PTPRT: variants seen among roughly 807,000 people sequenced by gnomAD.
PTPRT encodes the protein receptor-type tyrosine-protein phosphatase T.
In PTPRT, 56 loss-of-function variants were observed where a neutral mutation model predicts 176.8. The observed-to-expected ratio is 0.32, with a 90% CI of 0.26 to 0.40. The LOEUF is 0.40. Among genes scored for constraint, PTPRT ranks in the 10% least tolerant of loss-of-function variants. The probability of loss-of-function intolerance (pLI) is 1.00; values close to 1 mark genes in which losing one functional copy is unlikely to be tolerated. For missense variants in PTPRT, 1,540 were observed against 1,908.2 expected, an observed-to-expected ratio of 0.81 and a Z score of 3.60; for synonymous variants, 783 against 739.0, an observed-to-expected ratio of 1.06 and a Z score of -0.96.
rs550546034 is a variant in PTPRT at position 42,761,127 on chromosome 20, G to A, written c.685-4491C>T. Among the ~76,000 whole-genome samples, 151 of 152,240 alleles carry A rather than the reference G, an allele frequency of 9.9e-4. 1 individual carries two copies. Among genetic ancestry groups the A allele is most frequent in the Admixed American group, 1.6e-3 (25 of 15,288 alleles). ...GACAGGCTGCACTAACATCCCCTGG[G>A]AAATTGTTAAAAATGTGAATTCTCA... On this transcript the variant is annotated intron_variant, in intron 5 of 30. Transcript: ENST00000373187.
intron 1 of PTPRT, among the ~76,000 whole-genome samples, chr20:42,887,518 A>G (rs1391730160): frequency 1.3e-5 from 2 of 152,202 alleles, no homozygotes; most frequent in African/African-American, 4.8e-5. Context: ...AAATAAACAA[A>G]CATGGCTTTA....
chr20:42,944,208 C>A (rs1439547554), intron 1 of PTPRT, among the ~76,000 whole-genome samples: 1 of 152,054 alleles, frequency 6.6e-6, no homozygotes, highest in Non-Finnish European at 1.5e-5. Flanking sequence ...GAGAAAACAT[C>A]ACAGTTTAGG....
At chr20:42,257,038 G>C (rs949793559) in intron 13 of PTPRT, among the ~76,000 whole-genome samples, 6 of 152,170 alleles carry the variant, frequency 3.9e-5, no homozygotes, top group Non-Finnish European at 7.3e-5. Context: ...TCCCATGCAG[G>C]GGTCACCTAC....
intron 13 of PTPRT, among the ~76,000 whole-genome samples, chr20:42,274,005 A>T (rs2056983702): frequency 6.6e-6 from 1 of 152,232 alleles, no homozygotes; most frequent in East Asian, 1.9e-4. Flanking sequence ...AGATTTTTCT[A>T]GTTGGTGGGC....
chr20:42,372,924 G>A (rs1024371532), intron 9 of PTPRT, among the ~76,000 whole-genome samples: 4 of 152,190 alleles, frequency 2.6e-5, no homozygotes, highest in Non-Finnish European at 5.9e-5. Context: ...TTCTTTATAA[G>A]TTATCCTGTG....
At chr20:42,624,488 T>A (rs1307258402) in intron 7 of PTPRT, among the ~76,000 whole-genome samples, 1 of 152,034 alleles carries the variant, frequency 6.6e-6, no homozygotes, top group South Asian at 2.1e-4. Flanking sequence ...TTGAAAAAAA[T>A]TAACGATTTT....
Position 42,179,134 on chromosome 20 carries a change from T to C in PTPRT, c.2492-17592A>G, listed in dbSNP as rs572967898. On this transcript the variant is annotated intron_variant, in intron 16 of 30. Transcript: ENST00000373187. ...CACAAATCCTAATATCATTCTGCAATGTTTTTGTGAGAACCAAAAGAGGTA... is the reference window on the plus strand; with the variant it reads ...CACAAATCCTAATATCATTCTGCAACGTTTTTGTGAGAACCAAAAGAGGTA... Among the ~76,000 whole-genome samples, 3 of 152,310 alleles carry C rather than the reference T, an allele frequency of 2.0e-5. No homozygotes were observed. In the South Asian group the frequency reaches 6.2e-4, roughly 32 times the overall value.
chr20:42,188,855 C>G (rs943651260), intron 16 of PTPRT, among the ~76,000 whole-genome samples: 3 of 152,182 alleles, frequency 2.0e-5, no homozygotes, highest in Non-Finnish European at 2.9e-5. Context: ...TTACTGAGGT[C>G]TCTTTGAAAG....
intron 7 of PTPRT, among the ~76,000 whole-genome samples, chr20:42,565,119 G>A (rs778256007): frequency 6.6e-6 from 1 of 152,062 alleles, no homozygotes; most frequent in Admixed American, 6.5e-5. Context: ...GACAGCACCC[G>A]AGAAGAAGGG....
intron 16 of PTPRT, among the ~76,000 whole-genome samples, chr20:42,171,607 C>T (rs572349246): frequency 6.6e-5 from 10 of 151,946 alleles, no homozygotes; most frequent in Admixed American, 4.6e-4. Context: ...TGCATGTGTG[C>T]GTGTGTGTGT....
chr20:43,002,581 C>G (rs1348439727), intron 1 of PTPRT, among the ~76,000 whole-genome samples: 3 of 151,944 alleles, frequency 2.0e-5, no homozygotes, highest in Non-Finnish European at 2.9e-5. Context: ...AAATTAATTT[C>G]AAAAGTAGAA....
At chr20:42,138,637 G>A (rs1404117222) in intron 18 of PTPRT, among the ~76,000 whole-genome samples, 1 of 152,102 alleles carries the variant, frequency 6.6e-6, no homozygotes, top group Non-Finnish European at 1.5e-5. Context: ...AGAATGCTTT[G>A]GGATTCTTGA....
chr20:42,101,315 C>T (rs1220735341), intron 26 of PTPRT, among the ~76,000 whole-genome samples: 1 of 152,190 alleles, frequency 6.6e-6, no homozygotes, highest in East Asian at 1.9e-4. Flanking sequence ...TTGAGCAAGT[C>T]TCTTTCTCTG....
At chr20:42,677,729 C>A in intron 7 of PTPRT, 137 bp downstream of exon 7, 1 of 1,035,020 alleles carries the variant, frequency 9.7e-7, no homozygotes. Flanking sequence ...GGCCTTGATC[C>A]TGTTTATCCA....
intron 7 of PTPRT, among the ~76,000 whole-genome samples, chr20:42,517,985 T>C (rs1568944068): frequency 6.6e-6 from 1 of 151,968 alleles, no homozygotes; most frequent in Non-Finnish European, 1.5e-5. Flanking sequence ...ATAGTATATA[T>C]TCTCCTGATT....
chr20:42,352,209 C>A lies in PTPRT; in HGVS notation c.1637G>T (p.Arg546Leu). The part of the protein sequence containing the change: ...SSQRGKVFKL[R>L]NETHHLFVGL... ...CACAAAGAGGTGGTGGGTTTCATTC[C>A]GGAGCTTGAACACTTTCCCCCTCTG... Residue 546 changes from arginine (R) to leucine (L), a missense_variant, in exon 10 of 31, where the codon CGG (arginine) becomes CTG (leucine). This residue lies in a region of PTPRT where 136 missense variants were observed against 135.0 expected (regional missense o/e 1.01). Coordinates refer to ENST00000373187, the MANE Select transcript of PTPRT (RefSeq NM_007050.6). The A allele has an allele frequency of 1.9e-6, 3 of 1,614,166 alleles. No homozygotes were observed. The highest frequency in any genetic ancestry group is 2.5e-6 in the Non-Finnish European group (3 of 1,180,030).
intron 26 of PTPRT, 118 bp downstream of exon 26, chr20:42,102,006 C>T: frequency 8.0e-7 from 1 of 1,247,744 alleles, no homozygotes; most frequent in Non-Finnish European, 1.1e-6. Context: ...ACTAGTAGAT[C>T]AGAAGCAGGG....
At chr20:42,512,196 T>G (rs2071970888) in intron 7 of PTPRT, among the ~76,000 whole-genome samples, 2 of 152,188 alleles carry the variant, frequency 1.3e-5, no homozygotes, top group Non-Finnish European at 1.5e-5. Flanking sequence ...CATATATAGA[T>G]TTCATGTAAC....
intron 9 of PTPRT, among the ~76,000 whole-genome samples, chr20:42,403,007 C>A (rs954394330): frequency 1.3e-5 from 2 of 152,020 alleles, no homozygotes; most frequent in African/African-American, 4.8e-5. Flanking sequence ...TAATTATTCT[C>A]AATGCAATAC....
Sources: allele counts gnomAD v4.1 joint callset (sites outside exome capture counted in the v4.1 genomes callset), GRCh38; gene constraint gnomAD v4.1.1; regional missense constraint gnomAD v4.1.1; transcripts MANE v1.5; gene names NCBI Gene and HGNC (gene_info 2026-07-23, HGNC 2026-07-21).